The following FBXL20 variants were observed in gnomAD, a reference collection of about 807,000 sequenced individuals.
FBXL20 encodes F-box/LRR-repeat protein 20.
In FBXL20, 11 loss-of-function variants were observed where a neutral mutation model predicts 64.0. The observed-to-expected ratio is 0.17, with a 90% CI of 0.11 to 0.28. The LOEUF (loss-of-function observed/expected upper bound fraction) is 0.28. Among genes scored for constraint, FBXL20 ranks in the 10% least tolerant of loss-of-function variants. The pLI, the probability that FBXL20 is intolerant of heterozygous loss-of-function variation, is 1.00. For missense variants in FBXL20, 303 were observed against 526.2 expected, an observed-to-expected ratio of 0.58 and a Z score of 4.15; for synonymous variants, 184 against 189.0, an observed-to-expected ratio of 0.97 and a Z score of 0.22.
chr17:39,398,897 AC>A (rs1261968090), intron 1 of FBXL20, among the ~76,000 whole-genome samples: 1 of 150,710 alleles, frequency 6.6e-6, no homozygotes, highest in African/African-American at 2.4e-5. Context: ...CTGGTCTTGA[AC>A]TCCTGACCTC....
rs1300517595 is a variant in FBXL20 at position 39,259,513 on chromosome 17, C to G, written c.*1947G>C. The G allele has an allele frequency of 6.6e-6, 1 of 152,092 alleles. No homozygotes were observed. The highest frequency in any genetic ancestry group is 1.5e-5 in the Non-Finnish European group (1 of 68,024). The allele number at this position is 152,092 out of a possible 1,614,324, so 9.4% of individuals were successfully genotyped here. On this transcript the variant is annotated 3_prime_UTR_variant, in exon 15 of 15. Transcript: ENST00000264658. ...AAACTCATTTTACTTCCTTTATCCTCTGATTTTTTGGGAAGACAGAGGGTG... is the reference window on the plus strand; with the variant it reads ...AAACTCATTTTACTTCCTTTATCCTGTGATTTTTTGGGAAGACAGAGGGTG...
At chr17:39,317,713 T>TTTTTTTTTTTG (rs2047310308) in intron 2 of FBXL20, among the ~76,000 whole-genome samples, 2 of 110,298 alleles carry the variant, frequency 1.8e-5, no homozygotes, top group South Asian at 2.5e-4. Context: ...TTTTTTTTTT[T>TTTTTTTTTTTG]TTTTTTGAGA....
intron 2 of FBXL20, among the ~76,000 whole-genome samples, chr17:39,320,595 T>TG (rs2047345936): frequency 6.7e-6 from 1 of 150,302 alleles, no homozygotes; most frequent in Non-Finnish European, 1.5e-5. Flanking sequence ...AGTATGAATT[T>TG]TTTTTTTTTT....
chr17:39,269,353 C>T (rs1236512576), intron 11 of FBXL20, among the ~76,000 whole-genome samples: 3 of 152,060 alleles, frequency 2.0e-5, no homozygotes, highest in Non-Finnish European at 4.4e-5. Flanking sequence ...GCCACCACGC[C>T]TGGCTAATTT....
At chr17:39,364,876 C>CT (rs1483926920) in intron 1 of FBXL20, among the ~76,000 whole-genome samples, 1 of 152,138 alleles carries the variant, frequency 6.6e-6, no homozygotes, top group Non-Finnish European at 1.5e-5. Context: ...TATGAGCGAC[C>CT]TATTGGGGAG....
intron 2 of FBXL20, among the ~76,000 whole-genome samples, chr17:39,312,324 G>T (rs548428969): frequency 5.7e-4 from 87 of 151,628 alleles, no homozygotes; most frequent in Non-Finnish European, 1.0e-3. Context: ...TGAGGCAGGA[G>T]AATCGCTTGA....
intron 2 of FBXL20, among the ~76,000 whole-genome samples, chr17:39,340,253 T>C (rs112824491): frequency 0.032 from 4,898 of 152,242 alleles, 127 homozygotes; most frequent in African/African-American, 0.07. Context: ...TGTGCCACCA[T>C]GCCAGGCTAA....
At chr17:39,267,119 G>A (rs1381451940) in intron 12 of FBXL20, among the ~76,000 whole-genome samples, 1 of 151,610 alleles carries the variant, frequency 6.6e-6, no homozygotes, top group Non-Finnish European at 1.5e-5. Flanking sequence ...GGGCGTGGTG[G>A]CAGGCGCCTA....
At position 39,254,479 on chromosome 17, in the gene FBXL20, G is replaced by A. The variant is rs906330034; in HGVS notation, c.*6981C>T. On this transcript the variant is annotated 3_prime_UTR_variant, in exon 15 of 15. Coordinates refer to ENST00000264658, the MANE Select transcript of FBXL20 (RefSeq NM_032875.3). ...CTTCTCCCATCTCTTCCTAGGGTAA[G>A]GACTGTCATTTACTGCTCACTTCTC... 1.9e-5 allele frequency: 3 copies of A among 154,110 alleles called. No individual in the cohort carries two copies. The highest frequency in any genetic ancestry group is 7.2e-5 in the African/African-American group (3 of 41,510). 9.5% of individuals were successfully genotyped at this position (154,110 alleles called of 1,614,324 possible).
chr17:39,292,447 T>C (rs1349984480), intron 6 of FBXL20, among the ~76,000 whole-genome samples: 1 of 140,096 alleles, frequency 7.1e-6, no homozygotes, highest in Non-Finnish European at 1.5e-5. Context: ...CAGTGGCTAT[T>C]AACAGGCATG....
chr17:39,276,919 C>T (rs1222459776), intron 9 of FBXL20, among the ~76,000 whole-genome samples: 1 of 152,160 alleles, frequency 6.6e-6, no homozygotes, highest in Non-Finnish European at 1.5e-5. Context: ...AGACCACCCC[C>T]AACTCCCGTA....
intron 10 of FBXL20, among the ~76,000 whole-genome samples, chr17:39,273,984 T>C (rs1014706207): frequency 6.6e-6 from 1 of 151,900 alleles, no homozygotes; most frequent in Non-Finnish European, 1.5e-5. Context: ...AGTGATCCTC[T>C]CACTTTAGCC....
chr17:39,263,897 T>A, intron 14 of FBXL20: 1 of 219,776 alleles, frequency 4.6e-6, no homozygotes, highest in Non-Finnish European at 8.9e-6. Context: ...TTTTCTTCAA[T>A]CTGGGAATGT....
chr17:39,275,173 T>C, intron 9 of FBXL20, 73 bp from the exon 10 acceptor site: 1 of 1,447,100 alleles, frequency 6.9e-7, no homozygotes, highest in Non-Finnish European at 9.3e-7. Flanking sequence ...AAATGATAGC[T>C]CTGTGAAAAT....
At chr17:39,274,634 G>C (rs1326830409) in intron 10 of FBXL20, among the ~76,000 whole-genome samples, 1 of 152,150 alleles carries the variant, frequency 6.6e-6, no homozygotes, top group Non-Finnish European at 1.5e-5. Flanking sequence ...TGACCTTAGG[G>C]TGGACCTTTA....
intron 6 of FBXL20, among the ~76,000 whole-genome samples, chr17:39,296,454 G>T (rs367770966): frequency 7.9e-5 from 12 of 151,738 alleles, no homozygotes; most frequent in East Asian, 5.8e-4. Context: ...CAGCTACTCG[G>T]GAGGCTGAGG....
chr17:39,333,973 C>T (rs1028717854), intron 2 of FBXL20, among the ~76,000 whole-genome samples: 3 of 152,124 alleles, frequency 2.0e-5, no homozygotes, highest in African/African-American at 4.8e-5. Context: ...GGGAGGTATA[C>T]CCAACAGCTC....
In FBXL20 at chr17:39,258,717, G is replaced by A. The variant is rs1200994371; in HGVS notation, c.*2743C>T. ...CAAATCCACACTCACTAATCAATCT[G>A]GGTTTTATGGTCAATTTGTACAGGC... is the stretch of plus-strand genomic sequence containing the variant. On this transcript the variant is annotated 3_prime_UTR_variant, in exon 15 of 15. Transcript: ENST00000264658. 1 of 152,114 alleles carries A rather than the reference G, an allele frequency of 6.6e-6. No individual in the cohort carries two copies. The highest frequency in any genetic ancestry group is 6.6e-5 in the Admixed American group (1 of 15,254). The allele number at this position is 152,114 out of a possible 1,614,324, so 9.4% of individuals were successfully genotyped here. A position where few individuals can be genotyped will look rare whatever the true frequency, so the allele number is the denominator to read the frequency against.
intron 10 of FBXL20, among the ~76,000 whole-genome samples, chr17:39,272,857 T>C (rs968998059): frequency 3.3e-4 from 50 of 152,024 alleles, no homozygotes; most frequent in Admixed American, 1.3e-4. Context: ...ATGAACCATA[T>C]AGGGAGATGG....
Sources: gnomAD v4.1 joint callset for allele counts (sites outside exome capture counted in the v4.1 genomes callset) on GRCh38, gnomAD v4.1.1 for gene constraint, MANE v1.5 for transcripts, NCBI Gene and HGNC (gene_info 2026-07-23, HGNC 2026-07-21) for gene names.